Variants in RABGEF1 observed in about 807,000 individuals in gnomAD.
RABGEF1 encodes the protein rab5 GDP/GTP exchange factor.
In RABGEF1, 26 loss-of-function variants were observed where a neutral mutation model predicts 57.3. That is an observed-to-expected ratio of 0.45 (90% CI 0.33 to 0.63). RABGEF1 has a LOEUF of 0.63. Ranked by LOEUF, RABGEF1 falls within the 20% of genes least tolerant of loss-of-function variation. The pLI, the probability that RABGEF1 is intolerant of heterozygous loss-of-function variation, is 0.02. For synonymous variants in RABGEF1, 185 were observed against 210.7 expected (o/e 0.88, Z 1.06); for missense variants, 464 against 607.6 (o/e 0.76, Z 2.48).
At chr7:66,780,486 A>G (rs1720457567) in intron 3 of RABGEF1, among the ~76,000 whole-genome samples, 1 of 152,244 alleles carries the variant, frequency 6.6e-6, no homozygotes, top group African/African-American at 2.4e-5. Flanking sequence ...GTAAGTTACT[A>G]ACATTATTAT....
intron 1 of RABGEF1, among the ~76,000 whole-genome samples, chr7:66,696,689 C>CAAAAAAA (rs71049476): frequency 3.6e-3 from 233 of 64,904 alleles, no homozygotes; most frequent in Non-Finnish European, 5.1e-3. Context: ...GACTCCGTCT[C>CAAAAAAA]AAAAAAAAAA....
At chr7:66,787,190 A>G (rs1330779724) in intron 4 of RABGEF1, among the ~76,000 whole-genome samples, 2 of 149,314 alleles carry the variant, frequency 1.3e-5, no homozygotes, top group African/African-American at 2.5e-5. Context: ...CCATGCCCAG[A>G]TAATTTTTAC....
Position 66,809,586 on chromosome 7 carries a change from A to G in RABGEF1, c.*302A>G, listed in dbSNP as rs768538831. On this transcript the variant is annotated 3_prime_UTR_variant, in exon 9 of 9. Transcript: ENST00000284957. ...CTGGCATTCACTGTGGTTTTGGTAAATAATTGCCTTTTAAAGGATTAAACA... is the reference window on the plus strand; with the variant it reads ...CTGGCATTCACTGTGGTTTTGGTAAGTAATTGCCTTTTAAAGGATTAAACA... 1.3e-4 allele frequency: 32 copies of G among 252,250 alleles called. No individual in the cohort carries two copies. Among genetic ancestry groups the G allele is most frequent in the Non-Finnish European group, 1.7e-4 (23 of 132,670 alleles). 15.6% of individuals were successfully genotyped at this position (252,250 alleles called of 1,614,324 possible). A position where few individuals can be genotyped will look rare whatever the true frequency, so the allele number is the denominator to read the frequency against.
chr7:66,703,610 G>C (rs1314343942), intron 1 of RABGEF1, among the ~76,000 whole-genome samples: 1 of 152,142 alleles, frequency 6.6e-6, no homozygotes, highest in Non-Finnish European at 1.5e-5. Flanking sequence ...GTTGACAATA[G>C]ATGTATTGGC....
chr7:66,758,194 C>T (rs1419078581), intron 1 of RABGEF1, among the ~76,000 whole-genome samples: 1 of 152,176 alleles, frequency 6.6e-6, no homozygotes, highest in Non-Finnish European at 1.5e-5. Context: ...AAACTACTCA[C>T]ATCTGCAAAG....
At chr7:66,738,583 C>G (rs1194395656), upstream of RABGEF1, among the ~76,000 whole-genome samples, 1 of 151,830 alleles carries the variant, frequency 6.6e-6, no homozygotes, top group Admixed American at 6.6e-5. Context: ...ACCCCAAAAA[C>G]TAGCTGGGTG....
the RABGEF1 span, among the ~76,000 whole-genome samples, chr7:66,657,309 C>T: frequency 1.3e-5 from 2 of 152,016 alleles, no homozygotes; most frequent in Admixed American, 1.3e-4. Context: ...TTTCTAATCA[C>T]GATGGAATGA....
intron 2 of RABGEF1, among the ~76,000 whole-genome samples, chr7:66,772,442 A>G (rs560761550): frequency 1.3e-5 from 2 of 151,362 alleles, no homozygotes; most frequent in East Asian, 3.9e-4. Context: ...CTCATCAAGC[A>G]TTATTTCCCT....
intron 1 of RABGEF1, among the ~76,000 whole-genome samples, chr7:66,741,078 G>A (rs904164913): frequency 6.6e-6 from 1 of 152,126 alleles, no homozygotes; most frequent in Non-Finnish European, 1.5e-5. Flanking sequence ...GAGCCCCGAC[G>A]GCCTGACGCG....
At chr7:66,774,721 T>A (rs1203962259) in intron 2 of RABGEF1, among the ~76,000 whole-genome samples, 1 of 152,082 alleles carries the variant, frequency 6.6e-6, no homozygotes, top group Non-Finnish European at 1.5e-5. Context: ...TACCATGCTA[T>A]TACACTCCAG....
chr7:66,670,125 C>G, the RABGEF1 span, among the ~76,000 whole-genome samples: 2 of 152,156 alleles, frequency 1.3e-5, no homozygotes, highest in East Asian at 3.8e-4. Context: ...AAAATCGACA[C>G]CCCCCAAATA....
chr7:66,675,049 C>T, the RABGEF1 span, among the ~76,000 whole-genome samples: 3 of 152,048 alleles, frequency 2.0e-5, no homozygotes, highest in Non-Finnish European at 4.4e-5. Flanking sequence ...TAGTTGCCTA[C>T]TGATAACAAC....
the RABGEF1 span, among the ~76,000 whole-genome samples, chr7:66,655,902 T>TCAAGATA: frequency 6.6e-6 from 1 of 152,196 alleles, no homozygotes; most frequent in Non-Finnish European, 1.5e-5. Context: ...GAAGGGACAG[T>TCAAGATA]CAAGATACTT....
chr7:66,801,891 C>CTTAT (rs768444191), intron 7 of RABGEF1, among the ~76,000 whole-genome samples: 2 of 152,086 alleles, frequency 1.3e-5, no homozygotes, highest in Non-Finnish European at 2.9e-5. Flanking sequence ...CATCTGGAGA[C>CTTAT]TTATTTATTT....
At chr7:66,667,247 CAG>C in the RABGEF1 span, among the ~76,000 whole-genome samples, 1 of 152,208 alleles carries the variant, frequency 6.6e-6, no homozygotes, top group African/African-American at 2.4e-5. Context: ...GGCTGAGACT[CAG>C]GGGCCGGCCA....
At chr7:66,774,637 G>T (rs1583983278) in intron 2 of RABGEF1, among the ~76,000 whole-genome samples, 1 of 152,290 alleles carries the variant, frequency 6.6e-6, no homozygotes, top group African/African-American at 2.4e-5. Context: ...GTGTGCGCCT[G>T]TAGTCCCAAT....
chr7:66,751,871 C>G (rs1164753106), intron 1 of RABGEF1, among the ~76,000 whole-genome samples: 1 of 152,158 alleles, frequency 6.6e-6, no homozygotes, highest in Non-Finnish European at 1.5e-5. Context: ...GGATCTTTGA[C>G]TCCTATTTCA....
chr7:66,783,612 A>C, intron 3 of RABGEF1, 63 bp from the exon 4 acceptor site: 1 of 1,383,602 alleles, frequency 7.2e-7, no homozygotes, highest in Non-Finnish European at 9.7e-7. Flanking sequence ...TAAGATACTT[A>C]AAGTAATTCC....
At chr7:66,755,712 A>G (rs1406583190) in intron 1 of RABGEF1, among the ~76,000 whole-genome samples, 1 of 152,138 alleles carries the variant, frequency 6.6e-6, no homozygotes, top group African/African-American at 2.4e-5. Flanking sequence ...GTTATTCCGG[A>G]GAATGGCATG....
Sources: gnomAD v4.1 joint callset for allele counts (sites outside exome capture counted in the v4.1 genomes callset) on GRCh38, gnomAD v4.1.1 for gene constraint, MANE v1.5 for transcripts, NCBI Gene and HGNC (gene_info 2026-07-23, HGNC 2026-07-21) for gene names.